The following SLIT3 variants were observed in gnomAD, a reference collection of about 807,000 sequenced individuals.
The protein encoded by SLIT3 is slit homolog 3 protein.
In SLIT3, 68 loss-of-function variants were observed where a neutral mutation model predicts 184.0. The observed-to-expected ratio is 0.37, with a 90% CI of 0.30 to 0.45. SLIT3 has a LOEUF of 0.45. SLIT3 is among the 20% of genes least tolerant of loss of function. The pLI, the probability that SLIT3 is intolerant of heterozygous loss-of-function variation, is 1.00. For synonymous variants in SLIT3, 831 were observed against 828.6 expected, an observed-to-expected ratio of 1.00 and a Z score of -0.05; for missense variants, 1,707 against 2,026.0, an observed-to-expected ratio of 0.84 and a Z score of 3.02.
At chr5:169,227,985 C>T (rs1764869082) in intron 3 of SLIT3, among the ~76,000 whole-genome samples, 1 of 152,158 alleles carries the variant, frequency 6.6e-6, no homozygotes, top group African/African-American at 2.4e-5. Context: ...CTTATTTGAT[C>T]CTAGAGAAAC....
chr5:168,747,396 T>C (rs941536351), intron 20 of SLIT3, among the ~76,000 whole-genome samples: 1 of 152,166 alleles, frequency 6.6e-6, no homozygotes, highest in African/African-American at 2.4e-5. Context: ...TTGCTCGCCA[T>C]TGTCTCTCCA....
chr5:168,671,564 A>T (rs374907957), intron 33 of SLIT3, 81 bp from the exon 34 acceptor site: 1 of 1,446,952 alleles, frequency 6.9e-7, no homozygotes, highest in African/African-American at 1.4e-5. Flanking sequence ...AGCACTTTTC[A>T]CACATTCATG....
intron 4 of SLIT3, among the ~76,000 whole-genome samples, chr5:169,123,294 T>C (rs1187018258): frequency 6.6e-6 from 1 of 152,086 alleles, no homozygotes; most frequent in Non-Finnish European, 1.5e-5. Context: ...AATGGTGAAA[T>C]CATTGATGCT....
chr5:168,845,386 T>C (rs180701372), intron 5 of SLIT3, among the ~76,000 whole-genome samples: 2 of 152,304 alleles, frequency 1.3e-5, no homozygotes, highest in East Asian at 3.9e-4. Context: ...AATTCATTGA[T>C]GGAAGCGTTC....
intron 4 of SLIT3, among the ~76,000 whole-genome samples, chr5:168,911,249 G>A (rs537848702): frequency 4.3e-4 from 65 of 152,160 alleles, no homozygotes; most frequent in African/African-American, 1.4e-3. Context: ...TTAAACTCCC[G>A]TGCACACATT....
At chr5:168,917,551 A>C (rs1761485241) in intron 4 of SLIT3, among the ~76,000 whole-genome samples, 1 of 152,206 alleles carries the variant, frequency 6.6e-6, no homozygotes, top group Non-Finnish European at 1.5e-5. Flanking sequence ...ACAATTTTTT[A>C]CAAGACTCTG....
chr5:169,210,394 A>T (rs924276236), intron 3 of SLIT3, among the ~76,000 whole-genome samples: 3 of 152,220 alleles, frequency 2.0e-5, no homozygotes, highest in African/African-American at 7.2e-5. Context: ...TATTAAAGAG[A>T]GGCCAAGGAA....
intron 7 of SLIT3, 33 bp from the exon 8 acceptor site, chr5:168,817,496 T>C (rs748608396): frequency 1.3e-6 from 2 of 1,576,840 alleles, no homozygotes; most frequent in Non-Finnish European, 1.7e-6. Flanking sequence ...GAAGGCATGG[T>C]CACAGGTGAA....
At chr5:169,100,569 A>C (rs774014527) in intron 4 of SLIT3, among the ~76,000 whole-genome samples, 1 of 152,170 alleles carries the variant, frequency 6.6e-6, no homozygotes, top group Non-Finnish European at 1.5e-5. Flanking sequence ...CAACCAATGA[A>C]AATAATGCTA....
chr5:168,955,113 G>A (rs1762779476), intron 4 of SLIT3, among the ~76,000 whole-genome samples: 1 of 151,652 alleles, frequency 6.6e-6, no homozygotes, highest in East Asian at 1.9e-4. Flanking sequence ...GTGGGGTGGG[G>A]GTGAGGCCCA....
chr5:168,712,467 C>A, intron 23 of SLIT3, 113 bp from the exon 24 acceptor site: 1 of 854,902 alleles, frequency 1.2e-6, no homozygotes. Flanking sequence ...CAGAGCCCCA[C>A]TGCTCCTAGC....
chr5:168,741,569 AAAAC>A (rs1234165822), intron 20 of SLIT3, among the ~76,000 whole-genome samples: 1 of 151,970 alleles, frequency 6.6e-6, no homozygotes, highest in Non-Finnish European at 1.5e-5. Flanking sequence ...AGGGGGAAAG[AAAAC>A]AAACAGTGAA....
At chr5:169,193,101 C>G (rs927179044) in intron 4 of SLIT3, among the ~76,000 whole-genome samples, 1 of 152,172 alleles carries the variant, frequency 6.6e-6, no homozygotes, top group Admixed American at 6.5e-5. Flanking sequence ...TCGGTCCAAA[C>G]CGTTGCCTTC....
rs1561887170 is a variant in SLIT3, at chr5:168,710,988, AC to A, written c.2625del (p.Tyr876ThrfsTer97). The A allele has an allele frequency of 1.3e-6, 2 of 1,570,258 alleles. No homozygotes were observed. Among genetic ancestry groups the A allele is most frequent in the African/African-American group, 1.4e-5 (1 of 74,028 alleles). ...CAGCGGGCGATGCCAGGCTCCTTGT[AC>A]CCCGCCTTCACCCACTCCGACAGCC... ...LRWLSEWVKA[G>X]YKEPGIARCS... On this transcript the variant is annotated frameshift_variant, in exon 25 of 36. Transcript: ENST00000519560. LOFTEE classifies it high-confidence loss of function.
At chr5:169,206,842 C>G (rs1212500905) in intron 3 of SLIT3, among the ~76,000 whole-genome samples, 1 of 152,138 alleles carries the variant, frequency 6.6e-6, no homozygotes, top group African/African-American at 2.4e-5. Flanking sequence ...TCATCTATAA[C>G]TAATTAGAAT....
intron 5 of SLIT3, among the ~76,000 whole-genome samples, chr5:168,861,855 T>C (rs897933401): frequency 6.6e-6 from 1 of 152,200 alleles, no homozygotes; most frequent in African/African-American, 2.4e-5. Context: ...GTTAAACTGT[T>C]CAACTTCTGA....
At chr5:169,279,944 G>T (rs976637379) in intron 1 of SLIT3, among the ~76,000 whole-genome samples, 2 of 152,218 alleles carry the variant, frequency 1.3e-5, no homozygotes, top group African/African-American at 4.8e-5. Context: ...CAGTCACCAC[G>T]CTTGCTTTTG....
At chr5:169,161,040 C>A (rs17667604) in intron 4 of SLIT3, among the ~76,000 whole-genome samples, 19 of 152,174 alleles carry the variant, frequency 1.2e-4, no homozygotes, top group African/African-American at 4.6e-4. Context: ...GAATGAAAAG[C>A]GGATTTTTCT....
intron 2 of SLIT3, among the ~76,000 whole-genome samples, chr5:169,246,316 T>G (rs1261178997): frequency 2.0e-5 from 3 of 152,114 alleles, no homozygotes; most frequent in Non-Finnish European, 4.4e-5. Context: ...ACTTAACACC[T>G]ATAGAAACGA....
Sources: allele counts gnomAD v4.1 joint callset (sites outside exome capture counted in the v4.1 genomes callset), GRCh38; gene constraint gnomAD v4.1.1; transcripts MANE v1.5; gene names NCBI Gene and HGNC (gene_info 2026-07-23, HGNC 2026-07-21).